GLIS3: variants seen among roughly 807,000 people sequenced by gnomAD.
GLIS3 encodes GLIS family zinc finger 3.
In GLIS3, 53 loss-of-function variants were observed where a neutral mutation model predicts 78.6. The observed-to-expected ratio is 0.67, with a 90% CI of 0.54 to 0.85. The LOEUF is 0.85. GLIS3 is among the 40% of genes least tolerant of loss of function. GLIS3 has a pLI of 0.00. For missense variants in GLIS3, 1,703 were observed against 1,231.1 expected (o/e 1.38, Z -5.74); for synonymous variants, 684 against 509.9 (o/e 1.34, Z -4.60).
intron 4 of GLIS3, among the ~76,000 whole-genome samples, chr9:3,986,372 C>T (rs1413082799): frequency 6.6e-6 from 1 of 152,192 alleles, no homozygotes; most frequent in African/African-American, 2.4e-5. Context: ...ACTGAAGCTT[C>T]CTTGTGTCAT....
At chr9:4,052,237 A>G (rs1825797476) in intron 4 of GLIS3, among the ~76,000 whole-genome samples, 1 of 152,152 alleles carries the variant, frequency 6.6e-6, no homozygotes, top group African/African-American at 2.4e-5. Flanking sequence ...AGATAGGTAC[A>G]TTTCGTTTTC....
At chr9:4,264,913 T>A (rs905548603) in intron 2 of GLIS3, among the ~76,000 whole-genome samples, 8 of 151,938 alleles carry the variant, frequency 5.3e-5, no homozygotes, top group Non-Finnish European at 7.4e-5. Context: ...ACGCCTGTAA[T>A]CCCAGCACGG....
chr9:3,856,964 G>C (rs796491490), intron 8 of GLIS3, among the ~76,000 whole-genome samples: 23 of 152,344 alleles, frequency 1.5e-4, no homozygotes, highest in African/African-American at 5.5e-4. Context: ...TCTTCCAATT[G>C]TGAAGGAAAA....
At chr9:3,861,835 G>C (rs529189052) in intron 8 of GLIS3, among the ~76,000 whole-genome samples, 1 of 152,272 alleles carries the variant, frequency 6.6e-6, no homozygotes, top group East Asian at 1.9e-4. Flanking sequence ...TGCATGCGGG[G>C]CTTAATACTT....
chr9:4,350,790 GTTTGT>G (rs71326104), upstream of GLIS3, among the ~76,000 whole-genome samples: 95 of 151,860 alleles, frequency 6.3e-4, 1 homozygote, highest in South Asian at 1.3e-3. Flanking sequence ...AAACATCAGG[GTTTGT>G]TTTGTTTTGT....
intron 4 of GLIS3, among the ~76,000 whole-genome samples, chr9:4,011,430 C>T (rs1410989613): frequency 6.6e-6 from 1 of 152,200 alleles, no homozygotes; most frequent in African/African-American, 2.4e-5. Flanking sequence ...AGGCACTCGG[C>T]ATTCAGTGGC....
At chr9:4,211,884 T>C (rs931931436) in intron 2 of GLIS3, among the ~76,000 whole-genome samples, 1 of 152,224 alleles carries the variant, frequency 6.6e-6, no homozygotes, top group African/African-American at 2.4e-5. Context: ...TGGATTGACC[T>C]TGAAAACATT....
At chr9:4,294,888 G>A (rs965021686) in intron 1 of GLIS3, among the ~76,000 whole-genome samples, 1 of 152,150 alleles carries the variant, frequency 6.6e-6, no homozygotes, top group African/African-American at 2.4e-5. Context: ...AAAACATGGT[G>A]TAAGTGAAAT....
At chr9:4,447,456 C>A in the GLIS3 span, among the ~76,000 whole-genome samples, 1 of 152,140 alleles carries the variant, frequency 6.6e-6, no homozygotes, top group Non-Finnish European at 1.5e-5. Flanking sequence ...AGCACCACCA[C>A]CACCATGTTC....
At chr9:4,254,337 T>C (rs1824703453) in intron 2 of GLIS3, among the ~76,000 whole-genome samples, 1 of 152,242 alleles carries the variant, frequency 6.6e-6, no homozygotes, top group Non-Finnish European at 1.5e-5. Flanking sequence ...TGGATCTGTC[T>C]GAAGAAAATT....
At chr9:4,051,020 G>A (rs1014181272) in intron 4 of GLIS3, among the ~76,000 whole-genome samples, 10 of 152,000 alleles carry the variant, frequency 6.6e-5, no homozygotes, top group Admixed American at 1.3e-4. Flanking sequence ...AGGATCCTAG[G>A]CAAATTAATT....
chr9:3,907,133 T>C (rs1407783014), intron 6 of GLIS3, among the ~76,000 whole-genome samples: 1 of 152,208 alleles, frequency 6.6e-6, no homozygotes, highest in Non-Finnish European at 1.5e-5. Context: ...CAGAATCCAC[T>C]TTCAACACTC....
intron 4 of GLIS3, among the ~76,000 whole-genome samples, chr9:3,947,897 G>A (rs1239372025): frequency 2.0e-5 from 3 of 152,178 alleles, no homozygotes; most frequent in South Asian, 2.1e-4. Flanking sequence ...AAAAGCCATC[G>A]ATTTCCATTA....
chr9:4,374,075 G>A, the GLIS3 span, among the ~76,000 whole-genome samples: 2 of 152,198 alleles, frequency 1.3e-5, no homozygotes, highest in Admixed American at 1.3e-4. Context: ...TAATGGTGAT[G>A]CTTTTGGCGG....
At chr9:4,232,624 C>A (rs1822371688) in intron 2 of GLIS3, among the ~76,000 whole-genome samples, 1 of 152,004 alleles carries the variant, frequency 6.6e-6, no homozygotes, top group African/African-American at 2.4e-5. Context: ...AACATTATAC[C>A]AGTACTAGCA....
the GLIS3 span, among the ~76,000 whole-genome samples, chr9:4,354,775 C>T: frequency 3.3e-5 from 5 of 152,136 alleles, no homozygotes; most frequent in African/African-American, 1.2e-4. Flanking sequence ...CCCCAAATTC[C>T]ACCCTCAAAG....
At chr9:4,357,325 C>A in the GLIS3 span, among the ~76,000 whole-genome samples, 3 of 152,110 alleles carry the variant, frequency 2.0e-5, no homozygotes, top group Non-Finnish European at 2.9e-5. Flanking sequence ...TCATCCAATC[C>A]CCTGGAAGCT....
At chr9:4,004,271 C>T (rs191996434) in intron 4 of GLIS3, among the ~76,000 whole-genome samples, 1 of 152,038 alleles carries the variant, frequency 6.6e-6, no homozygotes, top group African/African-American at 2.4e-5. Flanking sequence ...GGGAGGTAAA[C>T]AAGAAAAAGA....
intron 9 of GLIS3, among the ~76,000 whole-genome samples, chr9:3,850,390 T>C (rs1453535137): frequency 6.6e-6 from 1 of 152,240 alleles, no homozygotes; most frequent in African/African-American, 2.4e-5. Context: ...GCAGCTAGGC[T>C]GAGGACGTTT....
Sources: allele counts gnomAD v4.1 joint callset (sites outside exome capture counted in the v4.1 genomes callset), GRCh38; gene constraint gnomAD v4.1.1; transcripts MANE v1.5; gene names NCBI Gene and HGNC (gene_info 2026-07-23, HGNC 2026-07-21).